The following CPXM2 variants were observed in gnomAD, a reference collection of about 807,000 sequenced individuals.
The protein encoded by CPXM2 is inactive carboxypeptidase-like protein X2.
A neutral mutation model predicts 86.1 loss-of-function variants in CPXM2; 66 were observed. The ratio of observed to expected loss-of-function variants is 0.77; its 90% CI spans 0.63 to 0.94. The LOEUF is 0.94. Ranked by LOEUF, CPXM2 falls within the 40% of genes least tolerant of loss-of-function variation. The pLI is 0.00. For missense variants in CPXM2, 948 were observed against 1,026.3 expected, an observed-to-expected ratio of 0.92 and a Z score of 1.04; for synonymous variants, 388 against 400.2, an observed-to-expected ratio of 0.97 and a Z score of 0.36.
Position 123,754,353 on chromosome 10 carries a change from C to A in CPXM2, c.2017+310G>T, listed in dbSNP as rs1180652457. Among the ~76,000 whole-genome samples, 1 of 152,180 alleles carries A rather than the reference C, an allele frequency of 6.6e-6. No homozygotes were observed. Among genetic ancestry groups the A allele is most frequent in the Non-Finnish European group, 1.5e-5 (1 of 68,046 alleles). On this transcript the variant is annotated intron_variant, in intron 13 of 13. Coordinates refer to ENST00000241305, the MANE Select transcript of CPXM2 (RefSeq NM_198148.3). This position sits in a 1 kb window ranked among gnomAD's most constrained non-coding sequence, Gnocchi z 4.0. ...TCCACCTGGTCTGAGAGCTAAGCTG[C>A]CTGCAGATGCAACAACTCCATGGAG... is the stretch of plus-strand genomic sequence containing the variant.
At chr10:123,849,030 T>C (rs1013024239) in intron 3 of CPXM2, among the ~76,000 whole-genome samples, 1 of 152,216 alleles carries the variant, frequency 6.6e-6, no homozygotes, top group Non-Finnish European at 1.5e-5. Context: ...ATTTGCTTTA[T>C]GGTACAATTT....
At chr10:123,782,398 A>C (rs1044994699) in intron 6 of CPXM2, among the ~76,000 whole-genome samples, 2 of 152,232 alleles carry the variant, frequency 1.3e-5, no homozygotes, top group Non-Finnish European at 2.9e-5. Flanking sequence ...AAAGGATTGA[A>C]GAAAAACTGA....
At position 123,852,478 on chromosome 10, in the gene CPXM2, G is replaced by A. The variant is rs186281813; in HGVS notation, c.514-9990C>T. Among the ~76,000 whole-genome samples, 76 of 152,182 alleles carry A rather than the reference G, an allele frequency of 5.0e-4. No individual in the cohort carries two copies. The East Asian group carries it at 8.9e-3, about 18-fold the overall frequency. ...CTCCTGTCTAGGGCCTGAAGTCACC[G>A]CCCTTGACAGGCCTCTGCTTCAATG... On this transcript the variant is annotated intron_variant, in intron 3 of 13. Transcript: ENST00000241305.
intron 10 of CPXM2, 101 bp downstream of exon 10, chr10:123,766,872 A>C: frequency 1.1e-6 from 1 of 947,394 alleles, no homozygotes; most frequent in Non-Finnish European, 1.6e-6. Flanking sequence ...AAAGAAAAAA[A>C]CAGTTTTGTC....
Position 123,862,647 on chromosome 10 carries a change from G to T in CPXM2, c.480C>A (p.Gly160=). 6.2e-7 allele frequency: 1 copy of T among 1,614,190 alleles called. No homozygotes were observed. The highest frequency in any genetic ancestry group is 8.5e-7 in the Non-Finnish European group (1 of 1,180,040). The part of the protein sequence containing the change: ...QLHASTVKRY[G]LGAHRGRLNI... Reference sequence around the variant, plus strand: ...TGAGTCTCCCTCGATGTGCCCCCAGGCCATAGCGCTTCACCGTGGAGGCAT... The same window carrying T: ...TGAGTCTCCCTCGATGTGCCCCCAGTCCATAGCGCTTCACCGTGGAGGCAT... Residue 160 remains glycine (G), a synonymous_variant, in exon 3 of 14, where the codon GGC becomes GGA. Transcript: ENST00000241305.
chr10:123,907,760 G>C (rs72829712), intron 2 of CPXM2, among the ~76,000 whole-genome samples: 1 of 130,856 alleles, frequency 7.6e-6, no homozygotes, highest in South Asian at 2.5e-4. Context: ...ACTGGACCCC[G>C]CAAGGCGCCC....
At position 123,842,342 on chromosome 10, in the gene CPXM2, C is replaced by T; in HGVS notation, c.653+7G>A. The T allele has an allele frequency of 1.2e-6, 2 of 1,614,220 alleles. No individual in the cohort carries two copies. The highest frequency in any genetic ancestry group is 1.1e-5 in the South Asian group (1 of 91,082). The stretch of plus-strand genomic sequence containing the variant: ...GGTCCAGAAAGCATATGTCCAGGTA[C>T]ACTCACAGCCAGAGGGAGTTCCTCC... On this transcript the variant is annotated splice_region_variant and intron_variant, in intron 4 of 13. Transcript: ENST00000241305.
chr10:123,780,119 G>C, intron 7 of CPXM2, 48 bp downstream of exon 7: 1 of 1,214,568 alleles, frequency 8.2e-7, no homozygotes, highest in Non-Finnish European at 1.2e-6. Flanking sequence ...ATAATATGTT[G>C]CTTTTTTGAC....
At chr10:123,939,301 C>CGGCA (rs1945751984) in intron 2 of CPXM2, among the ~76,000 whole-genome samples, 1 of 152,088 alleles carries the variant, frequency 6.6e-6, no homozygotes, top group African/African-American at 2.4e-5. Flanking sequence ...ACTAGAAAAG[C>CGGCA]GGCACCAAGC....
chr10:123,780,226 C>T lies in CPXM2; in HGVS notation c.919G>A (p.Glu307Lys), dbSNP rs751380071. 5.0e-6 allele frequency: 8 copies of T among 1,610,352 alleles called. No individual in the cohort carries two copies. The highest frequency in any genetic ancestry group is 2.2e-5 in the South Asian group (2 of 91,004). Residue 307 changes from glutamate to lysine, a missense_variant, in exon 7 of 14, where the codon GAG becomes AAG. Glu to Lys is a moderately conservative substitution (Grantham distance 56). Coordinates refer to ENST00000241305, the MANE Select transcript of CPXM2 (RefSeq NM_198148.3). ...TCCAGGTCATCAGTGGTGGTCATCT[C>T]GTTCCGGCGGTGATAATAATTATTA... ...DPNNYYHRRN[E>K]MTTTDDLDFK...
At chr10:123,925,254 A>AT (rs1034343072) in intron 2 of CPXM2, among the ~76,000 whole-genome samples, 3 of 152,006 alleles carry the variant, frequency 2.0e-5, no homozygotes, top group African/African-American at 7.3e-5. Context: ...TCCACTGGTT[A>AT]TTTTTTTCAA....
intron 4 of CPXM2, among the ~76,000 whole-genome samples, chr10:123,838,485 A>G (rs1848321198): frequency 1.3e-5 from 2 of 152,148 alleles, no homozygotes; most frequent in South Asian, 4.1e-4. Flanking sequence ...CCAACTATAA[A>G]TGTCCTATAA....
intron 12 of CPXM2, among the ~76,000 whole-genome samples, chr10:123,756,096 A>G (rs1338384867): frequency 6.6e-6 from 1 of 152,220 alleles, no homozygotes; most frequent in East Asian, 1.9e-4. Flanking sequence ...CCTGTGCAGA[A>G]GTGCAGCCAA....
intron 2 of CPXM2, among the ~76,000 whole-genome samples, chr10:123,907,280 G>GA (rs1945451288): frequency 1.3e-5 from 2 of 152,314 alleles, no homozygotes; most frequent in South Asian, 4.1e-4. Flanking sequence ...CCTCTTAATG[G>GA]AAAACTCTGT....
chr10:123,820,771 A>G (rs1026943055), intron 4 of CPXM2, among the ~76,000 whole-genome samples: 1 of 152,160 alleles, frequency 6.6e-6, no homozygotes, highest in Non-Finnish European at 1.5e-5. Flanking sequence ...AAAGCCAGCA[A>G]CAGTGCATGT....
intron 4 of CPXM2, among the ~76,000 whole-genome samples, chr10:123,829,173 T>C (rs1464465164): frequency 6.6e-6 from 1 of 152,142 alleles, no homozygotes; most frequent in Non-Finnish European, 1.5e-5. Context: ...TGACGAGATA[T>C]CATTACGCAC....
rs1846246628 is a variant in CPXM2, at chr10:123,757,675, G to T, written c.1778-323C>A. On this transcript the variant is annotated intron_variant, in intron 11 of 13. Transcript: ENST00000241305. ...GTAAAAAAGTTTAATGCTCCTTTTTGGAGTAAAGCTATCATTCATGAACAC... is the reference window on the plus strand; with the variant it reads ...GTAAAAAAGTTTAATGCTCCTTTTTTGAGTAAAGCTATCATTCATGAACAC... Among the ~76,000 whole-genome samples, 3 of 152,132 alleles carry T rather than the reference G, an allele frequency of 2.0e-5. No homozygotes were observed. In the South Asian group the frequency reaches 6.2e-4, roughly 32 times the overall value.
chr10:123,919,477 G>A (rs1018680291), intron 2 of CPXM2, among the ~76,000 whole-genome samples: 21 of 149,738 alleles, frequency 1.4e-4, no homozygotes, highest in Non-Finnish European at 2.8e-4. Flanking sequence ...TTTAAAGCAG[G>A]TATGACAACC....
chr10:123,798,181 A>AT (rs1445580887), intron 5 of CPXM2, 55 bp from the exon 6 acceptor site: 5 of 1,480,044 alleles, frequency 3.4e-6, no homozygotes, highest in Non-Finnish European at 4.5e-6. Context: ...TTACCAAGGG[A>AT]TAAAAAGTCA....
Sources: gnomAD v4.1 joint callset for allele counts (sites outside exome capture counted in the v4.1 genomes callset) on GRCh38, gnomAD v4.1.1 for gene constraint, Gnocchi (gnomAD v3.1) non-coding constraint, MANE v1.5 for transcripts, NCBI Gene and HGNC (gene_info 2026-07-23, HGNC 2026-07-21) for gene names.